Variants in HIVEP3 observed in about 807,000 individuals in gnomAD.
HIVEP3 encodes transcription factor HIVEP3.
In HIVEP3, 49 loss-of-function variants were observed where a neutral mutation model predicts 152.8. That is an observed-to-expected ratio of 0.32 (90% CI 0.26 to 0.41). The LOEUF is 0.41. HIVEP3 is among the 10% of genes least tolerant of loss of function. The pLI, the probability that HIVEP3 is intolerant of heterozygous loss-of-function variation, is 1.00. For synonymous variants in HIVEP3, 1,269 were observed against 1,289.0 expected (o/e 0.98, Z 0.33); for missense variants, 2,790 against 3,103.3 (o/e 0.90, Z 2.40).
intron 2 of HIVEP3, among the ~76,000 whole-genome samples, chr1:41,666,753 C>G (rs1480531856): frequency 6.6e-6 from 1 of 152,194 alleles, no homozygotes; most frequent in East Asian, 1.9e-4. Flanking sequence ...GCAATCCATT[C>G]TCCACACAGG....
intron 1 of HIVEP3, among the ~76,000 whole-genome samples, chr1:41,752,607 T>G (rs1225746804): frequency 2.0e-5 from 3 of 152,170 alleles, no homozygotes; most frequent in African/African-American, 4.8e-5. Context: ...ACCCGGAGCA[T>G]CAGCGTCATC....
At chr1:41,519,526 T>TCAC (rs1642701100) in intron 6 of HIVEP3, among the ~76,000 whole-genome samples, 1 of 152,230 alleles carries the variant, frequency 6.6e-6, no homozygotes, top group South Asian at 2.1e-4. Context: ...CGTGATGTGC[T>TCAC]CACTGTTGCC....
chr1:41,828,461 A>G (rs1422538362), intron 1 of HIVEP3, among the ~76,000 whole-genome samples: 1 of 152,218 alleles, frequency 6.6e-6, no homozygotes, highest in Non-Finnish European at 1.5e-5. Flanking sequence ...GACTGTTTCC[A>G]AAATATGACC....
chr1:41,510,790 A>T lies in HIVEP3; in HGVS notation c.6882T>A (p.His2294Gln), dbSNP rs375969863. The T allele has an allele frequency of 6.2e-7, 1 of 1,610,320 alleles. No homozygotes were observed. Reference sequence around the variant, plus strand: ...TGGGCTCTGCAGGTGCCCCGGTCCCATGGGGTGTCCAGTCAGGAGGCCTGC... The same window carrying T: ...TGGGCTCTGCAGGTGCCCCGGTCCCTTGGGGTGTCCAGTCAGGAGGCCTGC... ...GPGRPPDWTPHGTGAPAEPTP... is the reference protein window; with the variant it reads ...GPGRPPDWTPQGTGAPAEPTP... Residue 2294 changes from histidine to glutamine, a missense_variant, in exon 9 of 9, where the codon CAT becomes CAA. His to Gln is a conservative substitution (Grantham distance 24). Coordinates refer to ENST00000372583, the MANE Select transcript of HIVEP3 (RefSeq NM_024503.5).
chr1:41,610,736 G>A (rs1442869464), intron 3 of HIVEP3, among the ~76,000 whole-genome samples: 2 of 152,106 alleles, frequency 1.3e-5, no homozygotes, highest in East Asian at 1.9e-4. Context: ...ACTGAATTCC[G>A]AGCGCAATTT....
At chr1:41,525,747 G>A (rs1642881611) in intron 5 of HIVEP3, among the ~76,000 whole-genome samples, 1 of 152,194 alleles carries the variant, frequency 6.6e-6, no homozygotes, top group Admixed American at 6.5e-5. Flanking sequence ...TTTCCACTTA[G>A]AAGGAAACCC....
chr1:41,958,236 G>A (rs1002007954), intron 1 of HIVEP3, among the ~76,000 whole-genome samples: 3 of 152,220 alleles, frequency 2.0e-5, no homozygotes, highest in African/African-American at 7.2e-5. Flanking sequence ...GGCACTAATG[G>A]CAGCTGTGGT....
chr1:41,885,563 G>C (rs978077514), intron 1 of HIVEP3, among the ~76,000 whole-genome samples: 1 of 152,206 alleles, frequency 6.6e-6, no homozygotes, highest in African/African-American at 2.4e-5. Context: ...CTACGCGGAG[G>C]CTGAGGCATG....
In HIVEP3 at chr1:41,513,346, T is replaced by G. The variant is rs1378726554; in HGVS notation, c.5875A>C (p.Ser1959Arg). 1.2e-6 allele frequency: 2 copies of G among 1,612,670 alleles called. No homozygotes were observed. The highest frequency in any genetic ancestry group is 2.7e-5 in the African/African-American group (2 of 74,852). The part of the protein sequence containing the change: ...SVEKDTGSAL[S>R]YKPVSPRRPW... Reference sequence around the variant, plus strand: ...CTTCTTGGGGACACAGGCTTGTAGCTCAAGGCTGAGCCTGTGTCTTTCTCC... The same window carrying G: ...CTTCTTGGGGACACAGGCTTGTAGCGCAAGGCTGAGCCTGTGTCTTTCTCC... Residue 1959 changes from serine to arginine, a missense_variant, in exon 8 of 9, where the codon AGC becomes CGC. Ser to Arg is a moderately radical substitution (Grantham distance 110, BLOSUM62 -1). Transcript: ENST00000372583.
chr1:41,824,647 T>C (rs943770003), intron 1 of HIVEP3, among the ~76,000 whole-genome samples: 3 of 150,784 alleles, frequency 2.0e-5, no homozygotes, highest in Admixed American at 1.3e-4. Context: ...CGTGACAAGG[T>C]AGTCCCTCCT....
intron 2 of HIVEP3, among the ~76,000 whole-genome samples, chr1:41,637,865 G>A (rs1050242888): frequency 6.6e-6 from 1 of 152,170 alleles, no homozygotes; most frequent in African/African-American, 2.4e-5. Flanking sequence ...GAGCAGAATG[G>A]GGGGTCAGTG....
intron 3 of HIVEP3, among the ~76,000 whole-genome samples, chr1:41,623,846 C>G (rs1015745926): frequency 1.4e-4 from 21 of 152,196 alleles, no homozygotes; most frequent in Admixed American, 2.6e-4. Context: ...TTTTTCCTCC[C>G]CACTGCCTCA....
intron 2 of HIVEP3, among the ~76,000 whole-genome samples, chr1:41,629,880 A>T (rs914721396): frequency 5.3e-5 from 8 of 152,238 alleles, no homozygotes; most frequent in African/African-American, 1.9e-4. Flanking sequence ...TTTCTCAAAG[A>T]ACTTCAAACA....
At chr1:42,023,161 C>G (rs184817296) in intron 1 of HIVEP3, among the ~76,000 whole-genome samples, 35 of 152,228 alleles carry the variant, frequency 2.3e-4, no homozygotes, top group African/African-American at 7.9e-4. Flanking sequence ...CATGTGGCAC[C>G]ACACCTGGCT....
upstream of HIVEP3, among the ~76,000 whole-genome samples, chr1:41,921,688 G>A (rs1644942481): frequency 7.0e-6 from 1 of 143,228 alleles, no homozygotes; most frequent in African/African-American, 2.6e-5. Flanking sequence ...CCCAAACTCA[G>A]AGAATCAGGA....
chr1:41,711,408 C>T (rs1293538675), intron 1 of HIVEP3, among the ~76,000 whole-genome samples: 1 of 152,186 alleles, frequency 6.6e-6, no homozygotes, highest in African/African-American at 2.4e-5. Context: ...TGGCCGAGCA[C>T]CACCACCACC....
chr1:42,021,894 T>C (rs947355106), intron 1 of HIVEP3, among the ~76,000 whole-genome samples: 25 of 152,236 alleles, frequency 1.6e-4, no homozygotes, highest in African/African-American at 5.1e-4. Context: ...CTGGCATATG[T>C]ACTAAAGAAA....
At chr1:41,894,820 C>T (rs887569573) in intron 1 of HIVEP3, among the ~76,000 whole-genome samples, 4 of 152,234 alleles carry the variant, frequency 2.6e-5, no homozygotes, top group African/African-American at 9.6e-5. Context: ...TTGAAAGGTC[C>T]CAAGTCTGTC....
intron 5 of HIVEP3, among the ~76,000 whole-genome samples, chr1:41,570,404 G>A (rs917586907): frequency 3.3e-5 from 5 of 152,204 alleles, no homozygotes; most frequent in African/African-American, 1.2e-4. Context: ...TGGTGACAGT[G>A]CATGAGTTCT....
Sources: gnomAD v4.1 joint callset for allele counts (sites outside exome capture counted in the v4.1 genomes callset) on GRCh38, gnomAD v4.1.1 for gene constraint, MANE v1.5 for transcripts, NCBI Gene and HGNC (gene_info 2026-07-23, HGNC 2026-07-21) for gene names.